The following SH3GL3 variants were observed in gnomAD, a reference collection of about 807,000 sequenced individuals.
SH3GL3 encodes SH3 domain containing GRB2 like 3, endophilin A3, also known as endophilin-A3.
A neutral mutation model predicts 47.7 loss-of-function variants in SH3GL3; 33 were observed. The observed-to-expected ratio is 0.69, with a 90% CI of 0.52 to 0.92. The LOEUF is 0.92. Among genes scored for constraint, SH3GL3 ranks in the 40% least tolerant of loss-of-function variants. The pLI is 0.00. For synonymous variants in SH3GL3, 155 were observed against 148.8 expected (o/e 1.04, Z -0.30); for missense variants, 363 against 417.8 (o/e 0.87, Z 1.14).
Position 83,447,661 on chromosome 15 carries a change from G to C in SH3GL3, c.45+83G>C. On this transcript the variant is annotated intron_variant, in intron 1 of 8. Coordinates refer to ENST00000427482, the MANE Select transcript of SH3GL3 (RefSeq NM_003027.5). This position sits in a 1 kb window ranked among gnomAD's most constrained non-coding sequence, Gnocchi z 5.1. ...AGGCTCCCGGGCCTTTGGGACTCCTGTTCCCTGAAGGGCCTCTCTCGGGGC... is the reference window on the plus strand; with the variant it reads ...AGGCTCCCGGGCCTTTGGGACTCCTCTTCCCTGAAGGGCCTCTCTCGGGGC... The C allele has an allele frequency of 9.9e-7, 1 of 1,006,810 alleles. No individual in the cohort carries two copies. The highest frequency in any genetic ancestry group is 1.7e-5 in the African/African-American group (1 of 58,622). The allele number at this position is 1,006,810 out of a possible 1,614,324, so 62.4% of individuals were successfully genotyped here. A position where few individuals can be genotyped will look rare whatever the true frequency, so the allele number is the denominator to read the frequency against.
intron 1 of SH3GL3, among the ~76,000 whole-genome samples, chr15:83,520,422 TAG>T (rs2043157906): frequency 6.6e-6 from 1 of 152,204 alleles, no homozygotes; most frequent in Non-Finnish European, 1.5e-5. Context: ...ATCCACCTGT[TAG>T]TAATTTGCGT....
At chr15:83,519,407 A>G (rs1449873708) in intron 1 of SH3GL3, among the ~76,000 whole-genome samples, 1 of 152,134 alleles carries the variant, frequency 6.6e-6, no homozygotes, top group African/African-American at 2.4e-5. Context: ...ATGCATTCGT[A>G]GGTAATTTTT....
intron 6 of SH3GL3, among the ~76,000 whole-genome samples, chr15:83,586,459 G>A (rs1246242544): frequency 6.6e-6 from 1 of 152,168 alleles, no homozygotes; most frequent in African/African-American, 2.4e-5. Context: ...AAAACGCATA[G>A]AGGGGACAGG....
intron 1 of SH3GL3, among the ~76,000 whole-genome samples, chr15:83,533,452 C>T (rs546682804): frequency 6.6e-6 from 1 of 152,262 alleles, no homozygotes; most frequent in African/African-American, 2.4e-5. Flanking sequence ...TATACAGAGG[C>T]TTAGGATCTG....
At chr15:83,626,184 G>A in the SH3GL3 span, among the ~76,000 whole-genome samples, 3 of 152,044 alleles carry the variant, frequency 2.0e-5, no homozygotes, top group African/African-American at 7.2e-5. Flanking sequence ...TTACCATTAA[G>A]AGGTCCCAGA....
intron 8 of SH3GL3, among the ~76,000 whole-genome samples, chr15:83,612,187 AT>A (rs2060686446): frequency 6.6e-6 from 1 of 152,192 alleles, no homozygotes; most frequent in South Asian, 2.1e-4. Context: ...GAAATTCCCT[AT>A]CAGGGCTGTT....
At chr15:83,509,945 C>A (rs1350159538) in intron 1 of SH3GL3, among the ~76,000 whole-genome samples, 4 of 152,152 alleles carry the variant, frequency 2.6e-5, no homozygotes, top group African/African-American at 7.2e-5. Flanking sequence ...TTAGTCCTTT[C>A]ACTTTGGGCC....
At chr15:83,598,052 G>A (rs2060278202) in intron 8 of SH3GL3, among the ~76,000 whole-genome samples, 1 of 152,212 alleles carries the variant, frequency 6.6e-6, no homozygotes, top group Admixed American at 6.5e-5. Context: ...GAGTGCTTAT[G>A]AGGTTGCCTC....
chr15:83,629,691 G>A, the SH3GL3 span, among the ~76,000 whole-genome samples: 1 of 152,220 alleles, frequency 6.6e-6, no homozygotes, highest in African/African-American at 2.4e-5. Context: ...ACGGTGGCAT[G>A]CACCTATAGT....
intron 1 of SH3GL3, among the ~76,000 whole-genome samples, chr15:83,531,280 C>T (rs750674478): frequency 1.4e-4 from 21 of 152,174 alleles, no homozygotes; most frequent in African/African-American, 4.8e-4. Flanking sequence ...TAAATTTCAG[C>T]GCAGAATGGT....
chr15:83,579,205 G>A (rs994425163), intron 6 of SH3GL3, among the ~76,000 whole-genome samples: 5 of 152,242 alleles, frequency 3.3e-5, no homozygotes, highest in African/African-American at 1.2e-4. Flanking sequence ...TGCCCCAGCA[G>A]AAGTAAGAGC....
At chr15:83,470,929 C>T (rs1176352256) in intron 1 of SH3GL3, among the ~76,000 whole-genome samples, 1 of 152,106 alleles carries the variant, frequency 6.6e-6, no homozygotes, top group Non-Finnish European at 1.5e-5. Context: ...TTCCATTGGC[C>T]TTCCCTATTT....
In SH3GL3 at chr15:83,601,510, G is replaced by A. The variant is rs193160937; in HGVS notation, c.838+12739G>A. 2.5e-3 allele frequency among the ~76,000 whole-genome samples: 382 copies of A among 152,220 alleles called. 1 individual carries two copies. Among genetic ancestry groups the A allele is most frequent in the African/African-American group, 8.7e-3 (361 of 41,542 alleles). On this transcript the variant is annotated intron_variant, in intron 8 of 8. Coordinates refer to ENST00000427482, the MANE Select transcript of SH3GL3 (RefSeq NM_003027.5). Reference sequence around the variant, plus strand: ...TGGTGTATCACATATATTGACTTGCGTATGTTAAACCATCCCTGCATCCCT... The same window carrying A: ...TGGTGTATCACATATATTGACTTGCATATGTTAAACCATCCCTGCATCCCT...
At chr15:83,461,038 AC>A (rs1177149607) in intron 1 of SH3GL3, among the ~76,000 whole-genome samples, 1 of 151,876 alleles carries the variant, frequency 6.6e-6, no homozygotes, top group East Asian at 1.9e-4. Context: ...AGCCGAGATC[AC>A]GCCACTGCAC....
At chr15:83,453,490 T>C (rs1376804657) in intron 1 of SH3GL3, among the ~76,000 whole-genome samples, 1 of 144,032 alleles carries the variant, frequency 6.9e-6, no homozygotes, top group East Asian at 2.1e-4. Flanking sequence ...TCAGAGCCTG[T>C]TATTGGTCTA....
chr15:83,548,595 A>G (rs1354673577), intron 1 of SH3GL3, among the ~76,000 whole-genome samples: 1 of 151,958 alleles, frequency 6.6e-6, no homozygotes, highest in Non-Finnish European at 1.5e-5. Flanking sequence ...ATTGGTAGAT[A>G]TTTTCTGCCA....
intron 8 of SH3GL3, among the ~76,000 whole-genome samples, chr15:83,615,684 A>G (rs1380056295): frequency 6.6e-6 from 1 of 152,198 alleles, no homozygotes; most frequent in Admixed American, 6.5e-5. Flanking sequence ...CAGTGGGACA[A>G]AATAGAAAAA....
chr15:83,568,759 TTTG>T (rs1300436351), intron 4 of SH3GL3, 87 bp downstream of exon 4: 1 of 941,234 alleles, frequency 1.1e-6, no homozygotes, highest in African/African-American at 1.6e-5. Context: ...TCTAACAACC[TTTG>T]TTATTTTTCC....
intron 1 of SH3GL3, among the ~76,000 whole-genome samples, chr15:83,483,657 C>G (rs1322610196): frequency 6.6e-6 from 1 of 152,122 alleles, no homozygotes; most frequent in Admixed American, 6.5e-5. Flanking sequence ...CTTGCTATGC[C>G]AAGAGTTCCT....
Sources: gnomAD v4.1 joint callset for allele counts (sites outside exome capture counted in the v4.1 genomes callset) on GRCh38, gnomAD v4.1.1 for gene constraint, Gnocchi (gnomAD v3.1) non-coding constraint, MANE v1.5 for transcripts, NCBI Gene and HGNC (gene_info 2026-07-23, HGNC 2026-07-21) for gene names.